PDCD6: variants seen among roughly 807,000 people sequenced by gnomAD.
PDCD6 encodes programmed cell death protein 6.
PDCD6 carries 12 observed loss-of-function variants against 28.3 expected under a neutral mutation model. The observed-to-expected ratio is 0.42, with a 90% CI of 0.27 to 0.69. The LOEUF is 0.69. Among genes scored for constraint, PDCD6 ranks in the 30% least tolerant of loss-of-function variants. The pLI is 0.22. For synonymous variants in PDCD6, 92 were observed against 108.0 expected, an observed-to-expected ratio of 0.85 and a Z score of 0.92; for missense variants, 226 against 269.9, an observed-to-expected ratio of 0.84 and a Z score of 1.14.
Position 311,447 on chromosome 5 carries a change from G to T in PDCD6, c.477+45G>T, listed in dbSNP as rs6555159. 16 of 1,345,304 alleles carry T rather than the reference G, an allele frequency of 1.2e-5. 1 individual carries two copies. Among genetic ancestry groups the T allele is most frequent in the Admixed American group, 6.8e-5 (4 of 58,532 alleles). The allele number at this position is 1,345,304 out of a possible 1,614,324, so 83.3% of individuals were successfully genotyped here. On this transcript the variant is annotated intron_variant, in intron 5 of 5. Coordinates refer to ENST00000264933, the MANE Select transcript of PDCD6 (RefSeq NM_013232.4). ...TGGGTTTGTGGTGGTGGTGGGAGGG[G>T]CTTGCTTGCCAGCGTGATGCACCTG... is the stretch of plus-strand genomic sequence containing the variant.
chr5:300,139 T>C (rs2672728), intron 2 of PDCD6, among the ~76,000 whole-genome samples: 136,065 of 151,920 alleles, frequency 0.9, 61,325 homozygotes, highest in African/African-American at 0.97. Flanking sequence ...GGCTGGCTCC[T>C]GGGAGCTGAG....
intron 5 of PDCD6, chr5:311,835 A>G (rs1740941195): frequency 5.4e-6 from 1 of 183,906 alleles, no homozygotes; most frequent in Admixed American, 6.3e-5. Flanking sequence ...CTGGGATTAC[A>G]GGTGACACCC....
At chr5:280,385 A>AT in intron 2 of PDCD6, among the ~76,000 whole-genome samples, 1 of 150,518 alleles carries the variant, frequency 6.6e-6, no homozygotes, top group Non-Finnish European at 1.5e-5. Flanking sequence ...TGGTGCTGGC[A>AT]TTTAAGAGGG....
At chr5:314,386 A>C (rs1436367064) in intron 5 of PDCD6, 31 bp from the exon 6 acceptor site, 1 of 1,510,396 alleles carries the variant, frequency 6.6e-7, no homozygotes, top group East Asian at 2.3e-5. Flanking sequence ...TCCATTTACT[A>C]TCGAGATTTA....
intron 3 of PDCD6, 142 bp from the exon 4 acceptor site, chr5:306,456 CACAG>C: frequency 1.4e-6 from 1 of 694,604 alleles, no homozygotes. Context: ...TCACCCCATT[CACAG>C]ACAGGCATGC....
At chr5:276,852 T>C (rs554753416) in intron 2 of PDCD6, 1 of 985,370 alleles carries the variant, frequency 1.0e-6, no homozygotes, top group Non-Finnish European at 1.2e-6. Context: ...CTGCTAAAAA[T>C]TACTGCTCTC....
intron 2 of PDCD6, chr5:289,209 C>T (rs1313334766): frequency 2.3e-5 from 16 of 709,250 alleles, no homozygotes; most frequent in African/African-American, 6.9e-5. Context: ...AATACCTCCA[C>T]AGTTAAGTTT....
chr5:312,844 G>A (rs567368875), intron 5 of PDCD6, among the ~76,000 whole-genome samples: 5 of 151,550 alleles, frequency 3.3e-5, no homozygotes, highest in South Asian at 4.2e-4. Flanking sequence ...AAAAGATGCC[G>A]TGTAAAATCT....
chr5:314,058 A>G (rs1429812310), intron 5 of PDCD6, among the ~76,000 whole-genome samples: 5 of 152,080 alleles, frequency 3.3e-5, no homozygotes, highest in African/African-American at 1.2e-4. Flanking sequence ...TGGCCCCCAC[A>G]GCAGAGGCGA....
chr5:309,959 G>A (rs1487270845), intron 4 of PDCD6: 4 of 184,346 alleles, frequency 2.2e-5, no homozygotes, highest in Admixed American at 7.4e-5. Flanking sequence ...GATGGCCGCC[G>A]TCCCCGTGCA....
Position 314,758 on chromosome 5 carries a change from G to A in PDCD6, c.*243G>A. 1 of 594,112 alleles carries A rather than the reference G, an allele frequency of 1.7e-6. No homozygotes were observed. The highest frequency in any genetic ancestry group is 3.1e-6 in the Non-Finnish European group (1 of 321,752). 36.8% of individuals were successfully genotyped at this position (594,112 alleles called of 1,614,324 possible). On this transcript the variant is annotated 3_prime_UTR_variant, in exon 6 of 6. Transcript: ENST00000264933. ...TGTCTCATTGTGCCATGAGGTAAAT[G>A]TAATGTTTCAGGCATTCTGCTTGCA...
intron 2 of PDCD6, among the ~76,000 whole-genome samples, 153 bp from the exon 3 acceptor site, chr5:304,024 G>C (rs1301616323): frequency 6.7e-6 from 1 of 150,362 alleles, no homozygotes; most frequent in Non-Finnish European, 1.5e-5. Flanking sequence ...CCTCCCAGGA[G>C]TCATGGCAGC....
In PDCD6 at chr5:314,885, G is replaced by T; in HGVS notation, c.*370G>T. Reference sequence around the variant, plus strand: ...AAAATAACATGGAACTTACACAAAAGGCTTTTCATGTGCCTTACTTTTTTA... The same window carrying T: ...AAAATAACATGGAACTTACACAAAATGCTTTTCATGTGCCTTACTTTTTTA... On this transcript the variant is annotated 3_prime_UTR_variant, in exon 6 of 6. Transcript: ENST00000264933. 2.9e-6 allele frequency: 1 copy of T among 343,376 alleles called. No individual in the cohort carries two copies. The highest frequency in any genetic ancestry group is 2.5e-5 in the South Asian group (1 of 40,516). 21.3% of individuals were successfully genotyped at this position (343,376 alleles called of 1,614,324 possible). A position where few individuals can be genotyped will look rare whatever the true frequency, so the allele number is the denominator to read the frequency against.
intron 5 of PDCD6, 78 bp from the exon 6 acceptor site, chr5:314,339 G>T: frequency 9.9e-7 from 1 of 1,007,178 alleles, no homozygotes; most frequent in Non-Finnish European, 1.5e-6. Flanking sequence ...CTGAAATTGG[G>T]TCCCTACATG....
At chr5:284,386 A>G (rs992917346) in intron 2 of PDCD6, among the ~76,000 whole-genome samples, 5 of 152,174 alleles carry the variant, frequency 3.3e-5, no homozygotes, top group African/African-American at 1.2e-4. Context: ...CGCGTAGCTG[A>G]ATACTCCAGG....
In PDCD6 at chr5:307,260, G is replaced by A. The variant is rs1046097022; in HGVS notation, c.367+500G>A. On this transcript the variant is annotated intron_variant, in intron 4 of 5. Transcript: ENST00000264933. This position sits in a 1 kb window ranked among gnomAD's most constrained non-coding sequence, Gnocchi z 6.1. ...TGTGCTCGGCGTGTGTGTGCTCGGC[G>A]TGTGTGTGCACACGTGTGCCGTGCG... 1.0e-5 allele frequency among the ~76,000 whole-genome samples: 1 copy of A among 97,426 alleles called. No individual in the cohort carries two copies. The highest frequency in any genetic ancestry group is 1.9e-5 in the Non-Finnish European group (1 of 52,580). 63.9% of individuals were successfully genotyped at this position (97,426 alleles called of 152,430 possible). A position where few individuals can be genotyped will look rare whatever the true frequency, so the allele number is the denominator to read the frequency against.
At chr5:311,243 T>TA (rs775930052) in intron 4 of PDCD6, 50 bp from the exon 5 acceptor site, 32 of 1,403,318 alleles carry the variant, frequency 2.3e-5, no homozygotes, top group Non-Finnish European at 2.9e-5. Context: ...TGTTGGCACA[T>TA]ACCTCCCGTC....
chr5:298,599 A>AC (rs1405071462), intron 2 of PDCD6, among the ~76,000 whole-genome samples: 3 of 104,850 alleles, frequency 2.9e-5, no homozygotes, highest in African/African-American at 1.1e-4. Flanking sequence ...TCCTCTCACC[A>AC]CCCCCGTGCA....
intron 2 of PDCD6, among the ~76,000 whole-genome samples, chr5:302,153 C>T (rs1469426650): frequency 3.1e-5 from 4 of 127,260 alleles, no homozygotes; most frequent in Non-Finnish European, 4.8e-5. Context: ...AGCACAGCTT[C>T]CCTGCATAAC....
Sources: allele counts gnomAD v4.1 joint callset (sites outside exome capture counted in the v4.1 genomes callset), GRCh38; gene constraint gnomAD v4.1.1; non-coding constraint Gnocchi (gnomAD v3.1); transcripts MANE v1.5; gene names NCBI Gene and HGNC (gene_info 2026-07-23, HGNC 2026-07-21).